Variants in TAF1C observed in about 807,000 individuals in gnomAD.
The protein encoded by TAF1C is TATA box-binding protein-associated factor RNA polymerase I subunit C.
In TAF1C, 79 loss-of-function variants were observed where a neutral mutation model predicts 70.5. The observed-to-expected ratio is 1.12, with a 90% CI of 0.93 to 1.35. The LOEUF is 1.35. Among genes scored for constraint, TAF1C ranks in the 40% most tolerant of loss-of-function variants. The probability of loss-of-function intolerance (pLI) is 0.00; values close to 1 mark genes in which losing one functional copy is unlikely to be tolerated. For synonymous variants in TAF1C, 614 were observed against 491.1 expected (o/e 1.25, Z -3.31); for missense variants, 1,412 against 1,127.8 (o/e 1.25, Z -3.61).
chr16:84,184,310 C>T (rs1382159093), intron 2 of TAF1C, among the ~76,000 whole-genome samples: 1 of 152,214 alleles, frequency 6.6e-6, no homozygotes, highest in African/African-American at 2.4e-5. Context: ...CAAGCCTCTG[C>T]TCCACTGTCT....
At chr16:84,185,931 T>C (rs1397317675) in intron 1 of TAF1C, among the ~76,000 whole-genome samples, 2 of 151,830 alleles carry the variant, frequency 1.3e-5, no homozygotes, top group Non-Finnish European at 2.9e-5. Context: ...CACAAGGCTT[T>C]GGTAAATACA....
rs200180697 is a variant in TAF1C at position 84,179,012 on chromosome 16, G to C, written c.2461C>G (p.Arg821Gly). The stretch of plus-strand genomic sequence containing the variant: ...AGGACGGGTGTGTGCTGCTGGGAGC[G>C]AGTGGCCCGGACGCTGGAGGCCTGG... ...HSQASSVRAT[R>G]SQQHTPVLSS... Residue 821 changes from arginine (R) to glycine (G), a missense_variant, in exon 15 of 15, where the codon CGC (arginine) becomes GGC (glycine). By Grantham distance (125) the Arg-to-Gly change is moderately radical (BLOSUM62 -2). Transcript: ENST00000566732. The C allele has an allele frequency of 1.2e-6, 2 of 1,610,574 alleles. No individual in the cohort carries two copies. The highest frequency in any genetic ancestry group is 1.1e-5 in the South Asian group (1 of 91,080).
At chr16:84,183,550 T>C (rs759997432) in intron 3 of TAF1C, 43 bp from the exon 4 acceptor site, 4 of 1,572,066 alleles carry the variant, frequency 2.5e-6, no homozygotes, top group Admixed American at 1.8e-5. Context: ...GGCACAGGAG[T>C]GCGGCCAGAT....
chr16:84,181,236 C>T lies in TAF1C; in HGVS notation c.1165-50G>A, dbSNP rs1432827345. On this transcript the variant is annotated intron_variant, in intron 11 of 14. Coordinates refer to ENST00000566732, the MANE Select transcript of TAF1C (RefSeq NM_001243156.2). ...CCTCCCCACAGTCCCAGGCCGGTGA[C>T]GCTGTCCTCGCCCAGGCCGCAGCCA... 6.9e-6 allele frequency: 11 copies of T among 1,593,896 alleles called. No individual in the cohort carries two copies. The East Asian group carries it at 9.0e-5, about 13-fold the overall frequency.
Position 84,181,052 on chromosome 16 carries a change from G to A in TAF1C, c.1299C>T (p.Val433=). 6.2e-7 allele frequency: 1 copy of A among 1,609,274 alleles called. No individual in the cohort carries two copies. The change falls in exon 12 of 15, where the codon GTC becomes GTT. Residue 433 remains valine (V), a synonymous_variant. Transcript: ENST00000566732. ...PKCLPPTLHL[V]CTQFSLYLVD... ...GTTGTGTGCCACTCACCTGGGTACA[G>A]ACGAGATGAAGAGTAGGGGGGAGGC...
intron 13 of TAF1C, 42 bp downstream of exon 13, chr16:84,180,128 C>T: frequency 1.3e-6 from 2 of 1,564,882 alleles, no homozygotes; most frequent in Non-Finnish European, 1.7e-6. Flanking sequence ...GCCCCGACCG[C>T]CCCATCTCCC....
chr16:84,181,208 A>T (rs754589086), intron 11 of TAF1C, 22 bp from the exon 12 acceptor site: 5 of 1,595,250 alleles, frequency 3.1e-6, no homozygotes, highest in Non-Finnish European at 4.3e-6. Flanking sequence ...ACACAGGGTC[A>T]GCCCTCCCCA....
At chr16:84,186,561 A>G (rs1233704233) in intron 1 of TAF1C, among the ~76,000 whole-genome samples, 1 of 152,188 alleles carries the variant, frequency 6.6e-6, no homozygotes, top group Non-Finnish European at 1.5e-5. Context: ...TCAAAAATAA[A>G]ATAGAAACAA....
Position 84,179,778 on chromosome 16 carries a change from C to T in TAF1C, c.1695G>A (p.Ala565=), listed in dbSNP as rs201138305. ...GGAGCTGCTGGTAGAAGACATCTCC[C>T]GCCGCCGAGAGCTGGAAGAGCACCA... ...PGLVLFQLSA[A]GDVFYQQLRP... The change falls in exon 15 of 15, where the codon GCG becomes GCA. Residue 565 remains alanine (A), a synonymous_variant. Transcript: ENST00000566732. The T allele has an allele frequency of 4.5e-5, 72 of 1,609,324 alleles. No individual in the cohort carries two copies. The highest frequency in any genetic ancestry group is 3.3e-4 in the Middle Eastern group (2 of 6,058).
Position 84,178,291 on chromosome 16 carries a change from C to G in TAF1C, c.*650G>C, listed in dbSNP as rs1177376849. 1 of 455,900 alleles carries G rather than the reference C, an allele frequency of 2.2e-6. No individual in the cohort carries two copies. Among genetic ancestry groups the G allele is most frequent in the Non-Finnish European group, 4.4e-6 (1 of 226,542 alleles). The allele number at this position is 455,900 out of a possible 1,614,324, so 28.2% of individuals were successfully genotyped here. On this transcript the variant is annotated 3_prime_UTR_variant, in exon 15 of 15. Coordinates refer to ENST00000566732, the MANE Select transcript of TAF1C (RefSeq NM_001243156.2). ...GACCCATGTCCCAAGGGAGAAGGAACATCAGCCATCATCTCTCTGCATGAG... is the reference window on the plus strand; with the variant it reads ...GACCCATGTCCCAAGGGAGAAGGAAGATCAGCCATCATCTCTCTGCATGAG...
At position 84,183,261 on chromosome 16, in the gene TAF1C, T is replaced by G; in HGVS notation, c.391A>C (p.Lys131Gln). Residue 131 changes from lysine to glutamine, a missense_variant, in exon 5 of 15, where the codon AAG becomes CAG. Physicochemically the swap from Lys to Gln is moderately conservative, Grantham distance 53. Coordinates refer to ENST00000566732, the MANE Select transcript of TAF1C (RefSeq NM_001243156.2). ...CCACTCACCCCCGCTCCCTCCAGCT[T>G]GAAATTCTCCAGCATCAGCTTCCCC... is the stretch of plus-strand genomic sequence containing the variant. ...PLGKLMLENF[K>Q]LEGAGSRTKK... The G allele has an allele frequency of 6.2e-7, 1 of 1,613,944 alleles. No individual in the cohort carries two copies. The highest frequency in any genetic ancestry group is 8.5e-7 in the Non-Finnish European group (1 of 1,180,008).
rs747810069 is a variant in TAF1C at position 84,179,978 on chromosome 16, C to T, written c.1589G>A (p.Arg530Gln). ...FPLLEPKIQW[R>Q]LQERLKAPTI... ...CGGTGCTTTCAGGCGCTCCTGCAGC[C>T]GCCACTGGATCTTAGGCTCCAGCAG... Residue 530 changes from arginine to glutamine, a missense_variant, in exon 14 of 15, where the codon CGG becomes CAG. Transcript: ENST00000566732. The T allele has an allele frequency of 1.9e-5, 31 of 1,612,486 alleles. No individual in the cohort carries two copies. Among genetic ancestry groups the T allele is most frequent in the South Asian group, 2.2e-5 (2 of 91,072 alleles).
rs148539694 is a variant in TAF1C, at chr16:84,183,483, G to A, written c.245C>T (p.Ala82Val). ...LIDPWDPGLT[A>V]RDLLFRGGCR... ...CCCTCCGCGGAAAAGCAGGTCCCGG[G>A]CAGTCAGGCCAGGGTCCCAGGGATC... The change falls in exon 4 of 15, where the codon GCC becomes GTC. Residue 82 changes from alanine to valine, a missense_variant. By Grantham distance (64) the Ala-to-Val change is moderately conservative (BLOSUM62 0). Transcript: ENST00000566732. 8 of 1,611,100 alleles carry A rather than the reference G, an allele frequency of 5.0e-6. No homozygotes were observed. The highest frequency in any genetic ancestry group is 4.0e-5 in the African/African-American group (3 of 74,910).
rs988492520 is a variant in TAF1C, at chr16:84,182,224, A to T, written c.699T>A (p.Ala233=). Reference sequence around the variant, plus strand: ...TACGCAGCCTGTCCTGGGCGCCTCCAGCAGGGTAGACCAGCTGCCCGAACT... The same window carrying T: ...TACGCAGCCTGTCCTGGGCGCCTCCTGCAGGGTAGACCAGCTGCCCGAACT... ...TPQFGQLVYP[A]GGAQDRLHFQ... is the part of the protein sequence containing the mutation. The change falls in exon 7 of 15, where the codon GCT becomes GCA. Residue 233 remains alanine (A), a synonymous_variant. Coordinates refer to ENST00000566732, the MANE Select transcript of TAF1C (RefSeq NM_001243156.2). This position sits in a 1 kb window ranked among gnomAD's most constrained non-coding sequence, Gnocchi z 5.0. 1 of 1,612,184 alleles carries T rather than the reference A, an allele frequency of 6.2e-7. No individual in the cohort carries two copies. Among genetic ancestry groups the T allele is most frequent in the African/African-American group, 1.3e-5 (1 of 74,932 alleles).
In TAF1C at chr16:84,179,268, C is replaced by A; in HGVS notation, c.2205G>T (p.Ser735=). 6.3e-7 allele frequency: 1 copy of A among 1,586,480 alleles called. No homozygotes were observed. Among genetic ancestry groups the A allele is most frequent in the Non-Finnish European group, 8.5e-7 (1 of 1,172,478 alleles). Residue 735 remains serine (S), a synonymous_variant, in exon 15 of 15, where the codon TCG becomes TCT. Transcript: ENST00000566732. The part of the protein sequence containing the change: ...KRRTQLSSSF[S]LSGHVDPSED... ...CTGAGGGATCCACATGGCCACTGAGCGAAAAGCTGCTGGACAGCTGGGTCC... is the reference window on the plus strand; with the variant it reads ...CTGAGGGATCCACATGGCCACTGAGAGAAAAGCTGCTGGACAGCTGGGTCC...
rs1352453978 is a variant in TAF1C, at chr16:84,179,185, G to T, written c.2288C>A (p.Pro763His). 1.1e-5 allele frequency: 18 copies of T among 1,591,532 alleles called. No individual in the cohort carries two copies. Among genetic ancestry groups the T allele is most frequent in the Middle Eastern group, 1.7e-4 (1 of 6,056 alleles). Reference protein sequence around the residue: ...EWPPADALPLPPTTPPSQELT... With the variant: ...EWPPADALPLHPTTPPSQELT... ...CTCCTGGGAGGGCGGGGTCGTGGGG[G>T]GCAGGGGCAGAGCATCAGCAGGTGG... Residue 763 changes from proline to histidine, a missense_variant, in exon 15 of 15, where the codon CCC becomes CAC. Physicochemically the swap from Pro to His is moderately conservative, Grantham distance 77 (BLOSUM62 -2). Coordinates refer to ENST00000566732, the MANE Select transcript of TAF1C (RefSeq NM_001243156.2).
At chr16:84,179,874 C>T in intron 14 of TAF1C, 23 bp from the exon 15 acceptor site, 1 of 1,609,026 alleles carries the variant, frequency 6.2e-7, no homozygotes, top group Non-Finnish European at 8.5e-7. Context: ...ATGACAATGA[C>T]CTCCAGGGCC....
Position 84,179,647 on chromosome 16 carries a change from C to A in TAF1C, c.1826G>T (p.Gly609Val), listed in dbSNP as rs774223399. The A allele has an allele frequency of 6.2e-7, 1 of 1,612,508 alleles. No homozygotes were observed. The highest frequency in any genetic ancestry group is 8.5e-7 in the Non-Finnish European group (1 of 1,179,888). ...TASWTSQDTAGCSQWLKALLK... is the reference protein window; with the variant it reads ...TASWTSQDTAVCSQWLKALLK... ...CAGGGCCTTCAGCCACTGGCTGCAG[C>A]CGGCAGTGTCCTGGGAGGTCCAGGA... Residue 609 changes from glycine (G) to valine (V), a missense_variant, in exon 15 of 15, where the codon GGC becomes GTC. Transcript: ENST00000566732.
chr16:84,179,523 C>G lies in TAF1C; in HGVS notation c.1950G>C (p.Gly650=). The stretch of plus-strand genomic sequence containing the variant: ...CCTTGCGGAGCACACCCAGCCGCTG[C>G]CCTTCCTCTTCCTCCCTCCGCAGCT... ...STELRREEEE[G]QRLGVLRKAM... Residue 650 remains glycine (G), a synonymous_variant, in exon 15 of 15, where the codon GGG becomes GGC. Coordinates refer to ENST00000566732, the MANE Select transcript of TAF1C (RefSeq NM_001243156.2). The G allele has an allele frequency of 6.2e-7, 1 of 1,605,698 alleles. No individual in the cohort carries two copies. Among genetic ancestry groups the G allele is most frequent in the South Asian group, 1.1e-5 (1 of 90,994 alleles).
Sources: allele counts gnomAD v4.1 joint callset (sites outside exome capture counted in the v4.1 genomes callset), GRCh38; gene constraint gnomAD v4.1.1; non-coding constraint Gnocchi (gnomAD v3.1); transcripts MANE v1.5; gene names NCBI Gene and HGNC (gene_info 2026-07-23, HGNC 2026-07-21).